MAPKAP1: variants seen among roughly 807,000 people sequenced by gnomAD.
MAPKAP1 encodes target of rapamycin complex 2 subunit MAPKAP1.
MAPKAP1 carries 20 observed loss-of-function variants against 65.7 expected under a neutral mutation model. That is an observed-to-expected ratio of 0.30 (90% CI 0.21 to 0.44). The LOEUF is 0.44. Among genes scored for constraint, MAPKAP1 ranks in the 20% least tolerant of loss-of-function variants. The pLI is 1.00. For synonymous variants in MAPKAP1, 222 were observed against 244.3 expected (o/e 0.91, Z 0.85); for missense variants, 423 against 648.0 (o/e 0.65, Z 3.77).
intron 7 of MAPKAP1, chr9:125,521,887 T>C (rs1182765393): frequency 1.1e-5 from 9 of 832,082 alleles, no homozygotes; most frequent in African/African-American, 1.7e-5. Flanking sequence ...GCCAATTGTT[T>C]TCAGTCAGCA....
intron 9 of MAPKAP1, among the ~76,000 whole-genome samples, chr9:125,481,381 T>C (rs766870302): frequency 2.0e-5 from 3 of 152,152 alleles, no homozygotes; most frequent in Non-Finnish European, 2.9e-5. Flanking sequence ...CCTGGGCCCT[T>C]GCTTTGACCC....
intron 6 of MAPKAP1, among the ~76,000 whole-genome samples, chr9:125,547,071 C>G (rs1830446253): frequency 6.6e-6 from 1 of 152,138 alleles, no homozygotes; most frequent in Admixed American, 6.5e-5. Context: ...CCTGTCAAGT[C>G]TCGTAACCAC....
chr9:125,646,722 T>C (rs983973423), intron 4 of MAPKAP1, among the ~76,000 whole-genome samples: 2 of 152,210 alleles, frequency 1.3e-5, no homozygotes, highest in African/African-American at 2.4e-5. Context: ...CAGCAAGTTA[T>C]TGTTTTGATA....
chr9:125,619,978 GCCCAAT>G (rs1399958032), intron 4 of MAPKAP1, among the ~76,000 whole-genome samples: 1 of 152,152 alleles, frequency 6.6e-6, no homozygotes, highest in Non-Finnish European at 1.5e-5. Context: ...ATAAAAAGAA[GCCCAAT>G]CTTACTAATA....
At chr9:125,666,305 C>G (rs1361847793) in intron 3 of MAPKAP1, among the ~76,000 whole-genome samples, 2 of 152,062 alleles carry the variant, frequency 1.3e-5, no homozygotes, top group Non-Finnish European at 2.9e-5. Context: ...CTCCACAAAC[C>G]CTCTATCTCC....
intron 7 of MAPKAP1, among the ~76,000 whole-genome samples, chr9:125,530,624 C>T (rs1829907973): frequency 6.6e-6 from 1 of 152,192 alleles, no homozygotes; most frequent in Non-Finnish European, 1.5e-5. Flanking sequence ...TGGTATGGTT[C>T]ACTTATTAGT....
chr9:125,585,220 A>C (rs908636254), intron 5 of MAPKAP1, among the ~76,000 whole-genome samples: 1 of 152,168 alleles, frequency 6.6e-6, no homozygotes, highest in African/African-American at 2.4e-5. Context: ...CCAGCTACAA[A>C]GTGCCCAGCC....
chr9:125,628,439 A>G (rs1833177151), intron 4 of MAPKAP1, among the ~76,000 whole-genome samples: 1 of 152,212 alleles, frequency 6.6e-6, no homozygotes. Context: ...TCTCATTATA[A>G]GTCACTTAAG....
intron 9 of MAPKAP1, among the ~76,000 whole-genome samples, chr9:125,473,217 G>A (rs531936728): frequency 6.6e-6 from 1 of 151,964 alleles, no homozygotes; most frequent in East Asian, 1.9e-4. Context: ...ACTGGAGCCC[G>A]GCAGGCTTCT....
At chr9:125,502,439 G>A (rs574291550) in intron 8 of MAPKAP1, among the ~76,000 whole-genome samples, 3 of 152,146 alleles carry the variant, frequency 2.0e-5, no homozygotes, top group Non-Finnish European at 4.4e-5. Context: ...TTAGAGGGCT[G>A]TAAAACTTCC....
intron 6 of MAPKAP1, among the ~76,000 whole-genome samples, chr9:125,551,290 T>C (rs923121008): frequency 4.6e-5 from 7 of 152,130 alleles, no homozygotes; most frequent in Non-Finnish European, 1.0e-4. Flanking sequence ...GGGTATACTG[T>C]GGATTTATCA....
intron 4 of MAPKAP1, among the ~76,000 whole-genome samples, chr9:125,626,632 G>A (rs1056159373): frequency 6.6e-6 from 1 of 152,210 alleles, no homozygotes; most frequent in Non-Finnish European, 1.5e-5. Context: ...GAGGATTTCC[G>A]TCATCATAGA....
chr9:125,538,243 A>C (rs1287885791), intron 7 of MAPKAP1, among the ~76,000 whole-genome samples: 1 of 152,230 alleles, frequency 6.6e-6, no homozygotes, highest in East Asian at 1.9e-4. Flanking sequence ...AGAGAGGCCA[A>C]GAGCACAAGC....
Position 125,669,887 on chromosome 9 carries a change from G to A in MAPKAP1, c.280C>T (p.Arg94Ter), listed in dbSNP as rs887892523. The change falls in exon 3 of 12, where the codon CGA becomes TGA. Residue 94 changes from arginine to a stop codon, truncating the protein, a stop_gained. Transcript: ENST00000265960. LOFTEE classifies it high-confidence loss of function. Reference sequence around the variant, plus strand: ...TTGATCTGGTTTTGTCTCTCTTTTCGGAGTCGTTCTAATCTTTGAGCTTGA... The same window carrying A: ...TTGATCTGGTTTTGTCTCTCTTTTCAGAGTCGTTCTAATCTTTGAGCTTGA... ...SNTAQRLERL[R>*]KERQNQIKCK... 2 of 1,592,840 alleles carry A rather than the reference G, an allele frequency of 1.3e-6. No individual in the cohort carries two copies. The highest frequency in any genetic ancestry group is 1.7e-6 in the Non-Finnish European group (2 of 1,167,702).
intron 7 of MAPKAP1, among the ~76,000 whole-genome samples, chr9:125,525,119 T>C (rs1033778550): frequency 2.0e-5 from 3 of 152,162 alleles, no homozygotes; most frequent in African/African-American, 7.2e-5. Flanking sequence ...AAAGCAGTCA[T>C]ATTCATACAA....
intron 8 of MAPKAP1, among the ~76,000 whole-genome samples, chr9:125,497,994 T>C (rs1319601237): frequency 6.6e-6 from 1 of 152,198 alleles, no homozygotes; most frequent in Non-Finnish European, 1.5e-5. Flanking sequence ...CCAGGATGTA[T>C]ATAGAAGCTT....
At chr9:125,547,538 A>G (rs1830462620) in intron 6 of MAPKAP1, among the ~76,000 whole-genome samples, 1 of 152,208 alleles carries the variant, frequency 6.6e-6, no homozygotes, top group Non-Finnish European at 1.5e-5. Flanking sequence ...GCTGGCAAAC[A>G]GTAAAGGGAG....
rs554030295 is a variant in MAPKAP1, at chr9:125,706,872, C to A, written c.-70+99G>T. 1.9e-5 allele frequency: 7 copies of A among 369,504 alleles called. No individual in the cohort carries two copies. In the East Asian group the frequency reaches 2.7e-4, roughly 14 times the overall value. The allele number at this position is 369,504 out of a possible 1,614,324, so 22.9% of individuals were successfully genotyped here. ...GAACAAGGGCCCGGCAGGCGGCCCGCCGGGCAGCGCTGAAACTGGAGGGGT... is the reference window on the plus strand; with the variant it reads ...GAACAAGGGCCCGGCAGGCGGCCCGACGGGCAGCGCTGAAACTGGAGGGGT... On this transcript the variant is annotated intron_variant, in intron 1 of 11. Coordinates refer to ENST00000265960, the MANE Select transcript of MAPKAP1 (RefSeq NM_001006617.3).
At chr9:125,479,177 A>T (rs1264757077) in intron 9 of MAPKAP1, among the ~76,000 whole-genome samples, 1 of 152,238 alleles carries the variant, frequency 6.6e-6, no homozygotes, top group Non-Finnish European at 1.5e-5. Flanking sequence ...GGCACACAGT[A>T]AGCACTTGAT....
Sources: allele counts gnomAD v4.1 joint callset (sites outside exome capture counted in the v4.1 genomes callset), GRCh38; gene constraint gnomAD v4.1.1; transcripts MANE v1.5; gene names NCBI Gene and HGNC (gene_info 2026-07-23, HGNC 2026-07-21).